SLC38A8: variants seen among roughly 807,000 people sequenced by gnomAD.
SLC38A8 encodes the protein amino acid transporter SLC38A8.
A neutral mutation model predicts 46.0 loss-of-function variants in SLC38A8; 65 were observed. That is an observed-to-expected ratio of 1.41 (90% CI 1.16 to 1.74). The LOEUF (loss-of-function observed/expected upper bound fraction) is 1.74, where lower values mean the gene tolerates loss of function less well. Ranked by LOEUF, SLC38A8 falls within the 40% of genes most tolerant of loss-of-function variation. SLC38A8 has a pLI of 0.00. For missense variants in SLC38A8, 998 were observed against 567.9 expected, an observed-to-expected ratio of 1.76 and a Z score of -7.70; for synonymous variants, 447 against 243.7, an observed-to-expected ratio of 1.83 and a Z score of -7.77.
At chr16:84,028,353 G>A (rs1289573069) in intron 6 of SLC38A8, among the ~76,000 whole-genome samples, 1 of 151,952 alleles carries the variant, frequency 6.6e-6, no homozygotes, top group African/African-American at 2.4e-5. Context: ...GGCCGAGGAG[G>A]GCAGATCGCT....
chr16:84,030,311 C>T (rs1465452395), intron 5 of SLC38A8, among the ~76,000 whole-genome samples: 1 of 152,130 alleles, frequency 6.6e-6, no homozygotes, highest in East Asian at 1.9e-4. Context: ...AGCCCTCGGA[C>T]ACTCACATAT....
At position 84,036,510 on chromosome 16, in the gene SLC38A8, A is replaced by C. The variant is rs187715887; in HGVS notation, c.388+192T>G. Among the ~76,000 whole-genome samples, 106 of 152,352 alleles carry C rather than the reference A, an allele frequency of 7.0e-4. 1 individual carries two copies. Among genetic ancestry groups the C allele is most frequent in the South Asian group, 6.8e-3 (33 of 4,826 alleles). ...TCTCTCATGCACTTGTGTGCCCATG[A>C]CTGTCACCCAACTGGTGACTATCCA... On this transcript the variant is annotated intron_variant, in intron 3 of 10. Transcript: ENST00000299709.
intron 9 of SLC38A8, among the ~76,000 whole-genome samples, chr16:84,015,625 C>T (rs1043675093): frequency 3.9e-5 from 6 of 152,016 alleles, no homozygotes; most frequent in East Asian, 1.9e-4. Context: ...GGATCATAAA[C>T]GTTCCTACGT....
intron 2 of SLC38A8, among the ~76,000 whole-genome samples, chr16:84,038,694 C>A (rs1246401719): frequency 6.6e-6 from 1 of 152,196 alleles, no homozygotes; most frequent in Non-Finnish European, 1.5e-5. Context: ...CATCGCCACA[C>A]CCCGGACGGT....
chr16:84,041,511 C>A (rs2085366877), intron 2 of SLC38A8, among the ~76,000 whole-genome samples: 1 of 152,208 alleles, frequency 6.6e-6, no homozygotes, highest in Non-Finnish European at 1.5e-5. Flanking sequence ...CAGGGTTTCA[C>A]CATATGGGCC....
At position 84,042,167 on chromosome 16, in the gene SLC38A8, C is replaced by T. The variant is rs370469960; in HGVS notation, c.-2-8G>A. The T allele has an allele frequency of 1.9e-5, 31 of 1,603,248 alleles. No individual in the cohort carries two copies. Among genetic ancestry groups the T allele is most frequent in the African/African-American group, 9.4e-5 (7 of 74,430 alleles). On this transcript the variant is annotated splice_region_variant and splice_polypyrimidine_tract_variant and intron_variant, in intron 1 of 10. Transcript: ENST00000299709. ...GGGTCTGTCCCTCCATGGCTAGAGGCGGCAGAGGGGTGGAGAGAAAGCACA... is the reference window on the plus strand; with the variant it reads ...GGGTCTGTCCCTCCATGGCTAGAGGTGGCAGAGGGGTGGAGAGAAAGCACA...
intron 6 of SLC38A8, among the ~76,000 whole-genome samples, chr16:84,024,027 C>T (rs550036038): frequency 6.6e-6 from 1 of 152,350 alleles, no homozygotes; most frequent in African/African-American, 2.4e-5. Context: ...TAACTCTTGG[C>T]AGCCGCCCTG....
At chr16:84,023,605 A>C (rs2085122204) in intron 6 of SLC38A8, among the ~76,000 whole-genome samples, 1 of 152,212 alleles carries the variant, frequency 6.6e-6, no homozygotes, top group Non-Finnish European at 1.5e-5. Flanking sequence ...ACAGGAAGCC[A>C]CATAGGTGCC....
chr16:84,024,523 G>A (rs1050565166), intron 6 of SLC38A8, among the ~76,000 whole-genome samples: 8 of 151,744 alleles, frequency 5.3e-5, no homozygotes, highest in Non-Finnish European at 1.0e-4. Flanking sequence ...GCTCACGCCT[G>A]TAATCCCAGC....
At chr16:84,039,224 AG>A (rs2085339126) in intron 2 of SLC38A8, among the ~76,000 whole-genome samples, 1 of 152,210 alleles carries the variant, frequency 6.6e-6, no homozygotes, top group Admixed American at 6.5e-5. Flanking sequence ...CCTGACCTCC[AG>A]AACTGTGAGA....
intron 4 of SLC38A8, among the ~76,000 whole-genome samples, chr16:84,033,073 C>G (rs952172947): frequency 6.6e-6 from 1 of 151,922 alleles, no homozygotes; most frequent in African/African-American, 2.4e-5. Flanking sequence ...CTCTCTCTCT[C>G]TGCAGCCATG....
In SLC38A8 at chr16:84,016,893, C is replaced by A. The variant is rs2085033541; in HGVS notation, c.954-166G>T. On this transcript the variant is annotated intron_variant, in intron 8 of 10. Transcript: ENST00000299709. The stretch of plus-strand genomic sequence containing the variant: ...ACCTTGCCAACCCTCAGGGGTTCTG[C>A]CACCATCGGGCAGCCCATGGGGCAG... 5 of 1,005,768 alleles carry A rather than the reference C, an allele frequency of 5.0e-6. No homozygotes were observed. The South Asian group carries it at 8.5e-5, about 17-fold the overall frequency. The allele number at this position is 1,005,768 out of a possible 1,614,324, so 62.3% of individuals were successfully genotyped here. A position where few individuals can be genotyped will look rare whatever the true frequency, so the allele number is the denominator to read the frequency against.
intron 2 of SLC38A8, among the ~76,000 whole-genome samples, chr16:84,038,848 C>A (rs2085333180): frequency 6.6e-6 from 1 of 152,196 alleles, no homozygotes; most frequent in South Asian, 2.1e-4. Context: ...CAGCTTGCTT[C>A]TGTTTTTGCT....
intron 2 of SLC38A8, 89 bp downstream of exon 2, chr16:84,041,879 CA>C: frequency 8.3e-7 from 1 of 1,201,148 alleles, no homozygotes; most frequent in South Asian, 1.5e-5. Context: ...ACAGGACACG[CA>C]ACTCCGCAGA....
At chr16:84,039,516 G>C (rs565432365) in intron 2 of SLC38A8, among the ~76,000 whole-genome samples, 2 of 152,056 alleles carry the variant, frequency 1.3e-5, no homozygotes, top group Non-Finnish European at 2.9e-5. Context: ...AGGCCAAGGC[G>C]GGTGGATCAC....
intron 6 of SLC38A8, among the ~76,000 whole-genome samples, chr16:84,024,927 C>T (rs1295840902): frequency 2.0e-5 from 3 of 152,096 alleles, no homozygotes; most frequent in Non-Finnish European, 4.4e-5. Context: ...GTGATCCTCC[C>T]ACCTCGGCCT....
intron 2 of SLC38A8, among the ~76,000 whole-genome samples, chr16:84,039,499 C>A (rs1486136752): frequency 6.6e-6 from 1 of 152,068 alleles, no homozygotes; most frequent in African/African-American, 2.4e-5. Context: ...AATCCCAGCA[C>A]TTTGGGAGGC....
Position 84,042,076 on chromosome 16 carries a change from C to G in SLC38A8, c.82G>C (p.Gly28Arg), listed in dbSNP as rs2085374191. 3 of 1,614,048 alleles carry G rather than the reference C, an allele frequency of 1.9e-6. No homozygotes were observed. Among genetic ancestry groups the G allele is most frequent in the South Asian group, 2.2e-5 (2 of 91,078 alleles). Reference protein sequence around the residue: ...ATAAATLSSMGAVFILMKSAL... With the variant: ...ATAAATLSSMRAVFILMKSAL... Reference sequence around the variant, plus strand: ...GACTTCATGAGGATGAAGACAGCGCCCATCGAGGACAGAGTGGCAGCAGCC... The same window carrying G: ...GACTTCATGAGGATGAAGACAGCGCGCATCGAGGACAGAGTGGCAGCAGCC... Residue 28 changes from glycine to arginine, a missense_variant, in exon 2 of 11, where the codon GGC becomes CGC. Transcript: ENST00000299709.
chr16:84,039,485 C>A (rs2085343084), intron 2 of SLC38A8, among the ~76,000 whole-genome samples: 1 of 152,120 alleles, frequency 6.6e-6, no homozygotes, highest in South Asian at 2.1e-4. Context: ...TGGCTCATGG[C>A]TGTAATCCCA....
Sources: gnomAD v4.1 joint callset for allele counts (sites outside exome capture counted in the v4.1 genomes callset) on GRCh38, gnomAD v4.1.1 for gene constraint, MANE v1.5 for transcripts, NCBI Gene and HGNC (gene_info 2026-07-23, HGNC 2026-07-21) for gene names.